PHACTR1: variants seen among roughly 807,000 people sequenced by gnomAD.
The protein encoded by PHACTR1 is RPEL repeat containing 1.
PHACTR1 carries 16 observed loss-of-function variants against 69.2 expected under a neutral mutation model. That is an observed-to-expected ratio of 0.23 (90% CI 0.16 to 0.35). The LOEUF (loss-of-function observed/expected upper bound fraction) is 0.35. Ranked by LOEUF, PHACTR1 falls within the 10% of genes least tolerant of loss-of-function variation. The probability of loss-of-function intolerance (pLI) is 1.00; values close to 1 mark genes in which losing one functional copy is unlikely to be tolerated. For synonymous variants in PHACTR1, 312 were observed against 284.5 expected, an observed-to-expected ratio of 1.10 and a Z score of -0.97; for missense variants, 510 against 734.7, an observed-to-expected ratio of 0.69 and a Z score of 3.54.
Position 13,189,137 on chromosome 6 carries a change from A to G in PHACTR1, c.664+6451A>G, listed in dbSNP as rs560710925. On this transcript the variant is annotated intron_variant, in intron 7 of 14. Transcript: ENST00000332995. ...AGTTGAATGAAGGATAAATCAATTTAGCTGGACTTCACAGTCAGATGTTCA... is the reference window on the plus strand; with the variant it reads ...AGTTGAATGAAGGATAAATCAATTTGGCTGGACTTCACAGTCAGATGTTCA... 2.0e-5 allele frequency among the ~76,000 whole-genome samples: 3 copies of G among 152,370 alleles called. No individual in the cohort carries two copies. The South Asian group carries it at 6.2e-4, about 32-fold the overall frequency.
Position 13,053,236 on chromosome 6 carries a change from G to A in PHACTR1, c.251-129G>A, listed in dbSNP as rs569310946. 24 of 1,044,188 alleles carry A rather than the reference G, an allele frequency of 2.3e-5. No individual in the cohort carries two copies. In the Admixed American group the frequency reaches 6.7e-4, roughly 29 times the overall value. 64.7% of individuals were successfully genotyped at this position (1,044,188 alleles called of 1,614,324 possible). A position where few individuals can be genotyped will look rare whatever the true frequency, so the allele number is the denominator to read the frequency against. Reference sequence around the variant, plus strand: ...CACTGGTGTGACTTCCATTCCAAAAGGCAAAGAGAAACTCTAGTCACGTGG... The same window carrying A: ...CACTGGTGTGACTTCCATTCCAAAAAGCAAAGAGAAACTCTAGTCACGTGG... On this transcript the variant is annotated intron_variant, in intron 4 of 14. Transcript: ENST00000332995.
At chr6:12,887,516 T>C (rs1470537933) in intron 4 of PHACTR1, among the ~76,000 whole-genome samples, 1 of 152,172 alleles carries the variant, frequency 6.6e-6, no homozygotes, top group African/African-American at 2.4e-5. Flanking sequence ...GCAGCGTCTA[T>C]CCATGGAACA....
intron 8 of PHACTR1, among the ~76,000 whole-genome samples, chr6:13,220,109 A>G (rs1409764574): frequency 1.3e-5 from 2 of 152,238 alleles, no homozygotes; most frequent in Non-Finnish European, 2.9e-5. Context: ...ATAGGGCACT[A>G]AAGGACCATC....
intron 4 of PHACTR1, among the ~76,000 whole-genome samples, chr6:12,877,510 A>G (rs546901620): frequency 1.3e-5 from 2 of 152,228 alleles, no homozygotes; most frequent in Admixed American, 6.5e-5. Context: ...TGTATACCGG[A>G]GCATCCAGCA....
intron 5 of PHACTR1, among the ~76,000 whole-genome samples, chr6:13,145,656 A>G (rs1823224076): frequency 6.6e-6 from 1 of 152,214 alleles, no homozygotes. Context: ...CGTCCTTGCA[A>G]GAAGAGACAC....
At chr6:13,128,930 A>G (rs1819967405) in intron 5 of PHACTR1, among the ~76,000 whole-genome samples, 2 of 152,114 alleles carry the variant, frequency 1.3e-5, no homozygotes, top group African/African-American at 4.8e-5. Flanking sequence ...TAAAGGAAAA[A>G]CCCATCAGAT....
In PHACTR1 at chr6:12,749,799, G is replaced by T. The variant is rs774915842; in HGVS notation, c.250+9G>T. 6.3e-7 allele frequency: 1 copy of T among 1,576,448 alleles called. No individual in the cohort carries two copies. Among genetic ancestry groups the T allele is most frequent in the Non-Finnish European group, 8.6e-7 (1 of 1,161,572 alleles). ...CTTTAACCTGGGGGCAGGTAAGAAC[G>T]CCCCTGGCGCCGCGCCCCCGCCCCC... is the stretch of plus-strand genomic sequence containing the variant. On this transcript the variant is annotated intron_variant, in intron 4 of 14. Coordinates refer to ENST00000332995, the MANE Select transcript of PHACTR1 (RefSeq NM_030948.6).
chr6:13,028,902 T>C (rs960495065), intron 4 of PHACTR1, among the ~76,000 whole-genome samples: 5 of 152,098 alleles, frequency 3.3e-5, no homozygotes, highest in African/African-American at 1.2e-4. Flanking sequence ...GAGGCTGGTT[T>C]GGATTAGTAG....
At chr6:12,890,857 A>G (rs535236488) in intron 4 of PHACTR1, among the ~76,000 whole-genome samples, 12 of 152,260 alleles carry the variant, frequency 7.9e-5, no homozygotes, top group African/African-American at 2.6e-4. Context: ...TAATTTGCCT[A>G]TTATATTTAC....
intron 3 of PHACTR1, among the ~76,000 whole-genome samples, chr6:12,743,189 G>GAAAAAAAAAAAAAAAAA (rs56962574): frequency 7.3e-6 from 1 of 136,748 alleles, no homozygotes; most frequent in African/African-American, 2.7e-5. Flanking sequence ...TAAATTGCAG[G>GAAAAAAAAAAAAAAAAA]AAAAAAAAAA....
At chr6:13,035,315 G>A (rs1316632767) in intron 4 of PHACTR1, among the ~76,000 whole-genome samples, 1 of 152,088 alleles carries the variant, frequency 6.6e-6, no homozygotes, top group East Asian at 1.9e-4. Context: ...AATTAAGCCT[G>A]AACTTATTTT....
At chr6:13,183,662 G>T (rs1762466115) in intron 7 of PHACTR1, among the ~76,000 whole-genome samples, 1 of 152,144 alleles carries the variant, frequency 6.6e-6, no homozygotes, top group African/African-American at 2.4e-5. Flanking sequence ...GTCCCTTACA[G>T]GCTTTCTCAC....
chr6:12,983,707 C>A (rs1172684091), intron 4 of PHACTR1, among the ~76,000 whole-genome samples: 1 of 152,148 alleles, frequency 6.6e-6, no homozygotes, highest in African/African-American at 2.4e-5. Flanking sequence ...TCCCGCCACC[C>A]CACGACAGAC....
intron 8 of PHACTR1, among the ~76,000 whole-genome samples, chr6:13,209,482 C>G (rs575726179): frequency 6.6e-6 from 1 of 152,322 alleles, no homozygotes; most frequent in East Asian, 1.9e-4. Context: ...CATTGCTGCC[C>G]CCTGAAATCT....
At chr6:13,279,046 T>TG (rs397692708) in intron 12 of PHACTR1, among the ~76,000 whole-genome samples, 6 of 147,340 alleles carry the variant, frequency 4.1e-5, no homozygotes, top group African/African-American at 1.5e-4. Flanking sequence ...TTTTTTTTTT[T>TG]GCTCCCCCTG....
At chr6:13,029,785 A>G (rs938756554) in intron 4 of PHACTR1, among the ~76,000 whole-genome samples, 1 of 152,258 alleles carries the variant, frequency 6.6e-6, no homozygotes, top group Non-Finnish European at 1.5e-5. Flanking sequence ...TGCAGTGAGA[A>G]GCAGTGCATA....
chr6:12,972,027 T>C (rs1794275231), intron 4 of PHACTR1, among the ~76,000 whole-genome samples: 1 of 150,868 alleles, frequency 6.6e-6, no homozygotes, highest in Non-Finnish European at 1.5e-5. Context: ...AGAGACTCGT[T>C]ACGCAAATTA....
At chr6:13,165,347 G>T (rs1423946692) in intron 6 of PHACTR1, among the ~76,000 whole-genome samples, 1 of 151,982 alleles carries the variant, frequency 6.6e-6, no homozygotes, top group Non-Finnish European at 1.5e-5. Context: ...GCTTAAATTT[G>T]AACTTAATTT....
intron 8 of PHACTR1, among the ~76,000 whole-genome samples, chr6:13,211,713 G>A (rs562488462): frequency 6.6e-6 from 1 of 152,204 alleles, no homozygotes; most frequent in South Asian, 2.1e-4. Flanking sequence ...ACATACACAG[G>A]GATAAGACCA....
Sources: gnomAD v4.1 joint callset for allele counts (sites outside exome capture counted in the v4.1 genomes callset) on GRCh38, gnomAD v4.1.1 for gene constraint, MANE v1.5 for transcripts, NCBI Gene and HGNC (gene_info 2026-07-23, HGNC 2026-07-21) for gene names.